BST1: variants seen among roughly 807,000 people sequenced by gnomAD.
BST1 encodes bone marrow stromal cell antigen 1, also known as ADP-ribosyl cyclase/cyclic ADP-ribose hydrolase 2.
In BST1, 49 loss-of-function variants were observed where a neutral mutation model predicts 40.6. The observed-to-expected ratio is 1.21, with a 90% CI of 0.96 to 1.53. The LOEUF (loss-of-function observed/expected upper bound fraction) is 1.53, where lower values mean the gene tolerates loss of function less well. BST1 is among the 40% of genes most tolerant of loss of function. The probability of loss-of-function intolerance (pLI) is 0.00; values close to 1 mark genes in which losing one functional copy is unlikely to be tolerated. For missense variants in BST1, 423 were observed against 395.9 expected (o/e 1.07, Z -0.58); for synonymous variants, 157 against 159.3 (o/e 0.99, Z 0.11).
Position 15,731,952 on chromosome 4 carries a change from T to C in BST1, c.*107T>C, listed in dbSNP as rs1721393897. On this transcript the variant is annotated 3_prime_UTR_variant, in exon 9 of 9. Coordinates refer to ENST00000265016, the MANE Select transcript of BST1 (RefSeq NM_004334.3). ...TGATTCTGTTATCTAAAGAAGCTTT[T>C]TGCTGGGAAAACGATGTCCTGAAAA... The C allele has an allele frequency of 7.2e-7, 1 of 1,397,526 alleles. No individual in the cohort carries two copies. The highest frequency in any genetic ancestry group is 9.4e-7 in the Non-Finnish European group (1 of 1,068,772). The allele number at this position is 1,397,526 out of a possible 1,614,324, so 86.6% of individuals were successfully genotyped here.
chr4:15,741,851 TG>T (rs1055142999), downstream of BST1, among the ~76,000 whole-genome samples: 1 of 152,178 alleles, frequency 6.6e-6, no homozygotes, highest in Non-Finnish European at 1.5e-5. Context: ...TTACAGTAAA[TG>T]TTCATTGGCT....
intron 8 of BST1, among the ~76,000 whole-genome samples, chr4:15,728,341 G>A (rs1577594192): frequency 6.6e-6 from 1 of 151,886 alleles, no homozygotes; most frequent in Admixed American, 6.6e-5. Context: ...GTATGTTTTG[G>A]TATTTAATTA....
In BST1 at chr4:15,732,006, A is replaced by T; in HGVS notation, c.*161A>T. 7.5e-7 allele frequency: 1 copy of T among 1,338,318 alleles called. No homozygotes were observed. The highest frequency in any genetic ancestry group is 2.9e-5 in the East Asian group (1 of 34,630). The allele number at this position is 1,338,318 out of a possible 1,614,324, so 82.9% of individuals were successfully genotyped here. On this transcript the variant is annotated 3_prime_UTR_variant, in exon 9 of 9. Transcript: ENST00000265016. ...TATTTCAATGAGGCATATGTTCAGG[A>T]TTTCAGAAACAAGAAGTTAGTTCTA... is the stretch of plus-strand genomic sequence containing the variant.
the BST1 span, among the ~76,000 whole-genome samples, chr4:15,757,608 C>A: frequency 1.5e-3 from 229 of 152,018 alleles, no homozygotes; most frequent in African/African-American, 5.3e-3. Context: ...TACAGAGAAT[C>A]CTTTATAGGG....
chr4:15,750,128 G>A, the BST1 span, among the ~76,000 whole-genome samples: 17 of 152,062 alleles, frequency 1.1e-4, no homozygotes, highest in Admixed American at 2.6e-4. Context: ...AGGTTCAAGC[G>A]ATTCTCCTGC....
chr4:15,724,230 T>C (rs1383939520), intron 8 of BST1, among the ~76,000 whole-genome samples: 1 of 152,226 alleles, frequency 6.6e-6, no homozygotes, highest in Non-Finnish European at 1.5e-5. Flanking sequence ...CTCTTAGTAT[T>C]TTTCATTACA....
At chr4:15,765,045 G>A in the BST1 span, among the ~76,000 whole-genome samples, 1 of 151,940 alleles carries the variant, frequency 6.6e-6, no homozygotes, top group Non-Finnish European at 1.5e-5. Flanking sequence ...TTTCCTGTAA[G>A]ATGGGGTCAG....
chr4:15,715,503 G>A lies in BST1; in HGVS notation c.611+142G>A, dbSNP rs1243549787. 5.5e-6 allele frequency: 5 copies of A among 915,608 alleles called. No individual in the cohort carries two copies. In the East Asian group the frequency reaches 7.9e-5, roughly 14 times the overall value. 56.7% of individuals were successfully genotyped at this position (915,608 alleles called of 1,614,324 possible). On this transcript the variant is annotated intron_variant, in intron 5 of 8. Coordinates refer to ENST00000265016, the MANE Select transcript of BST1 (RefSeq NM_004334.3). ...TTCAGGTAAAGCAAAACAGATGAAT[G>A]ACCTGGTGATCAGAGCCATGTCTAT...
chr4:15,770,209 CAT>C, the BST1 span, among the ~76,000 whole-genome samples: 6 of 152,014 alleles, frequency 3.9e-5, no homozygotes, highest in Non-Finnish European at 2.9e-5. Context: ...GAAAGAAGAA[CAT>C]GTGTGCTTTT....
At position 15,723,670 on chromosome 4, in the gene BST1, G is replaced by A. The variant is rs534330063; in HGVS notation, c.851+736G>A. On this transcript the variant is annotated intron_variant, in intron 8 of 8. Coordinates refer to ENST00000265016, the MANE Select transcript of BST1 (RefSeq NM_004334.3). Reference sequence around the variant, plus strand: ...AATCCTTGATTATATACTTTAAGCTGTTGTGCAAGTATTTGTGTAGGATAG... The same window carrying A: ...AATCCTTGATTATATACTTTAAGCTATTGTGCAAGTATTTGTGTAGGATAG... The A allele has an allele frequency of 1.6e-4, 149 of 942,864 alleles. 2 individuals carry two copies. In the South Asian group the frequency reaches 6.3e-3, roughly 40 times the overall value. The allele number at this position is 942,864 out of a possible 1,614,324, so 58.4% of individuals were successfully genotyped here. A position where few individuals can be genotyped will look rare whatever the true frequency, so the allele number is the denominator to read the frequency against.
At chr4:15,719,769 C>A (rs1219497263) in intron 7 of BST1, among the ~76,000 whole-genome samples, 1 of 152,200 alleles carries the variant, frequency 6.6e-6, no homozygotes, top group Non-Finnish European at 1.5e-5. Flanking sequence ...TGCCTTCCAG[C>A]AGCCCCATGG....
At chr4:15,757,458 GA>G in the BST1 span, among the ~76,000 whole-genome samples, 2 of 151,818 alleles carry the variant, frequency 1.3e-5, no homozygotes, top group Non-Finnish European at 2.9e-5. Context: ...TGGCTGAACA[GA>G]ATAATGATCC....
intron 8 of BST1, among the ~76,000 whole-genome samples, chr4:15,726,663 G>A (rs1306514679): frequency 2.0e-5 from 3 of 152,076 alleles, no homozygotes; most frequent in Admixed American, 2.0e-4. Context: ...GGTTTGTATG[G>A]TTTTACTCTT....
intron 3 of BST1, among the ~76,000 whole-genome samples, chr4:15,708,806 T>C (rs1202777095): frequency 6.6e-6 from 1 of 151,966 alleles, no homozygotes; most frequent in East Asian, 1.9e-4. Flanking sequence ...CCTCGAACCC[T>C]GGAGAAGGAG....
the BST1 span, among the ~76,000 whole-genome samples, chr4:15,758,058 C>T: frequency 1.3e-5 from 2 of 152,040 alleles, no homozygotes; most frequent in African/African-American, 2.4e-5. Flanking sequence ...CTGGATACAA[C>T]GTGATGTTAT....
At chr4:15,741,075 T>A (rs1044811584), downstream of BST1, among the ~76,000 whole-genome samples, 1 of 150,484 alleles carries the variant, frequency 6.6e-6, no homozygotes, top group African/African-American at 2.5e-5. Context: ...CAGTGACAGT[T>A]TTTTTGGTAT....
chr4:15,734,359 G>C (rs550704751), downstream of BST1, among the ~76,000 whole-genome samples: 1 of 152,030 alleles, frequency 6.6e-6, no homozygotes, highest in Admixed American at 6.6e-5. Flanking sequence ...AAACCAAAAA[G>C]AAATGTTTTC....
intron 8 of BST1, among the ~76,000 whole-genome samples, chr4:15,726,324 G>T (rs1721111507): frequency 6.6e-6 from 1 of 151,186 alleles, no homozygotes; most frequent in East Asian, 1.9e-4. Context: ...AGACACTTAG[G>T]AATGAATGAA....
chr4:15,703,578 GCA>G lies in BST1; in HGVS notation c.188+256_188+257del, dbSNP rs1206221526. Among the ~76,000 whole-genome samples, 13 of 142,830 alleles carry G rather than the reference GCA, an allele frequency of 9.1e-5. No homozygotes were observed. In the South Asian group the frequency reaches 2.2e-3, roughly 24 times the overall value. The allele number at this position is 142,830 out of a possible 152,430, so 93.7% of individuals were successfully genotyped here. ...TAGAGATGAGTGTGTGTGTGTGCGC[GCA>G]CACACACACTGTAGAGGTGAGGGGT... On this transcript the variant is annotated intron_variant, in intron 1 of 8. Coordinates refer to ENST00000265016, the MANE Select transcript of BST1 (RefSeq NM_004334.3).
Sources: gnomAD v4.1 joint callset for allele counts (sites outside exome capture counted in the v4.1 genomes callset) on GRCh38, gnomAD v4.1.1 for gene constraint, MANE v1.5 for transcripts, NCBI Gene and HGNC (gene_info 2026-07-23, HGNC 2026-07-21) for gene names.